Variants in PARVB observed in about 807,000 individuals in gnomAD.
The protein encoded by PARVB is parvin beta.
A neutral mutation model predicts 47.0 loss-of-function variants in PARVB; 46 were observed. The ratio of observed to expected loss-of-function variants is 0.98; its 90% CI spans 0.77 to 1.25. The LOEUF is 1.25. PARVB is among the 50% of genes most tolerant of loss of function. The pLI is 0.00. For synonymous variants in PARVB, 196 were observed against 196.3 expected (o/e 1.00, Z 0.01); for missense variants, 473 against 471.6 (o/e 1.00, Z -0.03).
At chr22:44,000,573 A>C (rs1026673190) in intron 2 of PARVB, among the ~76,000 whole-genome samples, 6 of 152,232 alleles carry the variant, frequency 3.9e-5, no homozygotes, top group Non-Finnish European at 7.3e-5. Flanking sequence ...GGATTCTTGC[A>C]TCTGGTTCTG....
intron 1 of PARVB, among the ~76,000 whole-genome samples, chr22:44,084,841 G>C (rs1384918825): frequency 6.6e-6 from 1 of 152,168 alleles, no homozygotes; most frequent in African/African-American, 2.4e-5. Flanking sequence ...TGTAGAATTG[G>C]CTGCCACTTT....
chr22:44,132,032 G>A (rs1416266440), intron 5 of PARVB, among the ~76,000 whole-genome samples: 5 of 152,192 alleles, frequency 3.3e-5, no homozygotes, highest in African/African-American at 9.7e-5. Flanking sequence ...TGACATCACG[G>A]TATTTTCAGC....
At chr22:44,113,822 G>A (rs546279372) in intron 3 of PARVB, 1 of 63,006 alleles carries the variant, frequency 1.6e-5, no homozygotes, top group Non-Finnish European at 2.9e-5. Context: ...CAGATACGTT[G>A]TTACTAAGTA....
chr22:44,093,213 T>A (rs2052215021), intron 1 of PARVB, among the ~76,000 whole-genome samples: 1 of 152,198 alleles, frequency 6.6e-6, no homozygotes, highest in Non-Finnish European at 1.5e-5. Context: ...TGGATGTGGC[T>A]GAAAGGCCTG....
intron 3 of PARVB, chr22:44,115,350 C>T (rs1391063772): frequency 1.7e-4 from 13 of 74,706 alleles, no homozygotes; most frequent in Non-Finnish European, 3.0e-4. Flanking sequence ...TAAGTAAGGC[C>T]CTGCACCAAC....
intron 1 of PARVB, among the ~76,000 whole-genome samples, chr22:44,063,744 G>A (rs1201791307): frequency 6.6e-6 from 1 of 152,114 alleles, no homozygotes; most frequent in East Asian, 1.9e-4. Context: ...CACTCACAGA[G>A]GGCATGGTCT....
intron 10 of PARVB, among the ~76,000 whole-genome samples, chr22:44,154,982 G>A (rs2053896808): frequency 7.9e-6 from 1 of 125,938 alleles, no homozygotes; most frequent in African/African-American, 2.9e-5. Flanking sequence ...TGTGGTGTGT[G>A]TGTGGTTTTT....
intron 2 of PARVB, among the ~76,000 whole-genome samples, chr22:43,999,934 G>C (rs994922010): frequency 1.3e-5 from 2 of 151,276 alleles, no homozygotes; most frequent in Non-Finnish European, 2.9e-5. Context: ...TTGAGCCCAG[G>C]AGGTTAAGGC....
At position 44,125,051 on chromosome 22, in the gene PARVB, C is replaced by T. The variant is rs771351822; in HGVS notation, c.376+5911C>T. 2.7e-5 allele frequency among the ~76,000 whole-genome samples: 4 copies of T among 150,406 alleles called. No homozygotes were observed. The highest frequency in any genetic ancestry group is 6.6e-5 in the Admixed American group (1 of 15,054). ...GGAGGGAAACCTCCTAGGCTTGTGACAGGTGGTGGTGAGGGTGGGGGGATG... is the reference window on the plus strand; with the variant it reads ...GGAGGGAAACCTCCTAGGCTTGTGATAGGTGGTGGTGAGGGTGGGGGGATG... On this transcript the variant is annotated intron_variant, in intron 4 of 12. Transcript: ENST00000338758. The surrounding 1 kb of genome is among the most constrained non-coding windows in gnomAD (Gnocchi z 4.1).
At chr22:44,097,199 C>G (rs1046777052) in intron 2 of PARVB, among the ~76,000 whole-genome samples, 1 of 152,318 alleles carries the variant, frequency 6.6e-6, no homozygotes, top group Admixed American at 6.5e-5. Flanking sequence ...TTCTTCTCTC[C>G]CAGAGTCCCT....
intron 1 of PARVB, among the ~76,000 whole-genome samples, chr22:44,066,858 T>A (rs1601551942): frequency 8.2e-6 from 1 of 122,190 alleles, no homozygotes; most frequent in Admixed American, 8.8e-5. Context: ...CTTCTTCCTT[T>A]TTTTTCTTCT....
At chr22:44,156,702 T>C (rs1463911673) in intron 10 of PARVB, among the ~76,000 whole-genome samples, 1 of 152,236 alleles carries the variant, frequency 6.6e-6, no homozygotes, top group African/African-American at 2.4e-5. Context: ...GTAAATGTTA[T>C]GGTATATTTT....
intron 8 of PARVB, chr22:44,144,879 G>C (rs962267432): frequency 6.6e-6 from 1 of 152,382 alleles, no homozygotes; most frequent in Middle Eastern, 3.4e-3. Context: ...CAGCGACCAA[G>C]CTGAGCATTC....
intron 3 of PARVB, chr22:44,115,656 A>C (rs1429902546): frequency 4.4e-4 from 14 of 32,140 alleles, no homozygotes; most frequent in East Asian, 1.1e-3. Context: ...CCTGCACCAG[A>C]ACGGATACAT....
At chr22:44,081,473 A>G (rs935071803) in intron 1 of PARVB, 3 of 302,758 alleles carry the variant, frequency 9.9e-6, no homozygotes, top group African/African-American at 4.5e-5. Context: ...TAATCTTCTT[A>G]TTTTCTCAGC....
intron 6 of PARVB, among the ~76,000 whole-genome samples, chr22:44,133,413 A>G (rs1434135549): frequency 6.6e-6 from 1 of 152,218 alleles, no homozygotes; most frequent in Non-Finnish European, 1.5e-5. Flanking sequence ...ATCATGCCCC[A>G]TCATCTCTTT....
At chr22:44,111,990 T>A (rs999311777) in intron 3 of PARVB, 1 of 151,606 alleles carries the variant, frequency 6.6e-6, no homozygotes, top group African/African-American at 2.4e-5. Context: ...GCTGGGAGGA[T>A]CGTGGGGAAC....
chr22:44,136,527 A>G lies in PARVB; in HGVS notation c.692+9A>G. 1 of 1,612,214 alleles carries G rather than the reference A, an allele frequency of 6.2e-7. No individual in the cohort carries two copies. Among genetic ancestry groups the G allele is most frequent in the Non-Finnish European group, 8.5e-7 (1 of 1,178,636 alleles). On this transcript the variant is annotated intron_variant, in intron 7 of 12. Transcript: ENST00000338758. Reference sequence around the variant, plus strand: ...CTGACCACAACTACAGAGTAAGTGGACCCCTGTCTTGCCCTTCCAGGCCCT... The same window carrying G: ...CTGACCACAACTACAGAGTAAGTGGGCCCCTGTCTTGCCCTTCCAGGCCCT...
At chr22:44,092,660 T>G (rs2052199090) in intron 1 of PARVB, among the ~76,000 whole-genome samples, 1 of 152,176 alleles carries the variant, frequency 6.6e-6, no homozygotes, top group South Asian at 2.1e-4. Context: ...CATGGTTACA[T>G]TCAGCCCTTC....
Sources: allele counts gnomAD v4.1 joint callset (sites outside exome capture counted in the v4.1 genomes callset), GRCh38; gene constraint gnomAD v4.1.1; non-coding constraint Gnocchi (gnomAD v3.1); transcripts MANE v1.5; gene names NCBI Gene and HGNC (gene_info 2026-07-23, HGNC 2026-07-21).